Variants in MYO7B observed in about 807,000 individuals in gnomAD.
MYO7B encodes myosin VIIB.
In MYO7B, 212 loss-of-function variants were observed where a neutral mutation model predicts 259.7. The observed-to-expected ratio is 0.82, with a 90% CI of 0.73 to 0.91. MYO7B has a LOEUF of 0.91. Ranked by LOEUF, MYO7B falls within the 40% of genes least tolerant of loss-of-function variation. The pLI is 0.00. For missense variants in MYO7B, 2,732 were observed against 2,813.5 expected (o/e 0.97, Z 0.66); for synonymous variants, 1,197 against 1,166.4 (o/e 1.03, Z -0.54).
chr2:127,594,603 G>C (rs1261462446), intron 18 of MYO7B, among the ~76,000 whole-genome samples: 1 of 152,148 alleles, frequency 6.6e-6, no homozygotes, highest in Non-Finnish European at 1.5e-5. Context: ...GTGCACTGTG[G>C]GTTTGTCATA....
chr2:127,558,251 A>T (rs1183188647), intron 1 of MYO7B, among the ~76,000 whole-genome samples: 1 of 152,240 alleles, frequency 6.6e-6, no homozygotes, highest in Non-Finnish European at 1.5e-5. Context: ...AAAAATGCTC[A>T]ACATCACTAA....
At chr2:127,591,965 G>A (rs375045822) in intron 16 of MYO7B, among the ~76,000 whole-genome samples, 1 of 152,228 alleles carries the variant, frequency 6.6e-6, no homozygotes, top group South Asian at 2.1e-4. Flanking sequence ...GAGAGACTAA[G>A]TTGATTAGGA....
intron 40 of MYO7B, among the ~76,000 whole-genome samples, chr2:127,633,724 C>T (rs1032724161): frequency 1.3e-5 from 2 of 152,210 alleles, no homozygotes; most frequent in African/African-American, 4.8e-5. Flanking sequence ...ACAGAGCCTG[C>T]CATGGCTGCT....
chr2:127,621,265 GTT>G (rs1212192791), intron 27 of MYO7B, among the ~76,000 whole-genome samples: 179 of 120,686 alleles, frequency 1.5e-3, no homozygotes, highest in African/African-American at 5.3e-3. Flanking sequence ...TTTTTTTTTT[GTT>G]TTTTTTTTTT....
At position 127,559,040 on chromosome 2, in the gene MYO7B, G is replaced by A. The variant is rs541468068; in HGVS notation, c.-23-660G>A. Among the ~76,000 whole-genome samples, 2 of 152,318 alleles carry A rather than the reference G, an allele frequency of 1.3e-5. No individual in the cohort carries two copies. The highest frequency in any genetic ancestry group is 6.5e-5 in the Admixed American group (1 of 15,296). On this transcript the variant is annotated intron_variant, in intron 1 of 47. Coordinates refer to ENST00000409816, the MANE Select transcript of MYO7B (RefSeq NM_001393586.1). The surrounding 1 kb of genome is among the most constrained non-coding windows in gnomAD (Gnocchi z 4.1). ...CACCTTGCACTGCTCAGCGCAGGGAGGGGAAGCTGCCAACACTCAGTCAGG... is the reference window on the plus strand; with the variant it reads ...CACCTTGCACTGCTCAGCGCAGGGAAGGGAAGCTGCCAACACTCAGTCAGG...
intron 17 of MYO7B, 84 bp downstream of exon 17, chr2:127,593,030 G>A: frequency 1.3e-6 from 2 of 1,502,168 alleles, no homozygotes; most frequent in Non-Finnish European, 1.8e-6. Context: ...AGTACCGAGG[G>A]GGTCTCCCGC....
chr2:127,555,682 C>T (rs542659851), intron 1 of MYO7B, among the ~76,000 whole-genome samples: 1 of 152,268 alleles, frequency 6.6e-6, no homozygotes, highest in African/African-American at 2.4e-5. Context: ...CTAGTTATTT[C>T]ATTTCCATGT....
intron 9 of MYO7B, among the ~76,000 whole-genome samples, chr2:127,580,345 G>A (rs988312635): frequency 6.6e-6 from 1 of 152,170 alleles, no homozygotes; most frequent in East Asian, 1.9e-4. Flanking sequence ...TGCTTCCTGT[G>A]ACTGAATAAA....
rs1330236284 is a variant in MYO7B at position 127,537,514 on chromosome 2, C to T, written c.-24+1683C>T. Among the ~76,000 whole-genome samples the T allele has an allele frequency of 2.0e-5, 3 of 152,170 alleles. No homozygotes were observed. In the East Asian group the frequency reaches 5.8e-4, roughly 29 times the overall value. ...CAGGGAGGAAGAGCCAGAATCTTAG[C>T]ACATTTTTCACAGAAGAGATGAAGA... On this transcript the variant is annotated intron_variant, in intron 1 of 47. Transcript: ENST00000409816.
intron 1 of MYO7B, among the ~76,000 whole-genome samples, chr2:127,549,579 G>T (rs1693370516): frequency 6.6e-6 from 1 of 152,198 alleles, no homozygotes; most frequent in Non-Finnish European, 1.5e-5. Flanking sequence ...TTCAGCAATT[G>T]TTAGTTTCAT....
chr2:127,581,966 C>G lies in MYO7B; in HGVS notation c.1156C>G (p.Leu386Val). The part of the protein sequence containing the change: ...LIRGEFVTRS[L>V]NIAQAADRRD... The stretch of plus-strand genomic sequence containing the variant: ...CCGAGGGGAATTTGTCACCAGGTCC[C>G]TGAACATTGCCCAGGCTGCTGACCG... The change falls in exon 11 of 48, where the codon CTG (leucine) becomes GTG (valine). Residue 386 changes from leucine (L) to valine (V), a missense_variant. Physicochemically the swap from Leu to Val is conservative, Grantham distance 32 (BLOSUM62 1). Coordinates refer to ENST00000409816, the MANE Select transcript of MYO7B (RefSeq NM_001393586.1). 6.2e-7 allele frequency: 1 copy of G among 1,613,964 alleles called. No individual in the cohort carries two copies.
chr2:127,612,556 G>A lies in MYO7B; in HGVS notation c.3351G>A (p.Glu1117=). ...LGADRPMSNL[E]KVHFIVGYAI... ...CAGACCGGCCCATGTCCAACCTGGA[G>A]AAGGTGCACTTCATCGTGGGCTACG... is the stretch of plus-strand genomic sequence containing the variant. Residue 1117 remains glutamate, a synonymous_variant, in exon 26 of 48, where the codon GAG becomes GAA. Coordinates refer to ENST00000409816, the MANE Select transcript of MYO7B (RefSeq NM_001393586.1). 1 of 1,603,198 alleles carries A rather than the reference G, an allele frequency of 6.2e-7. No homozygotes were observed. The highest frequency in any genetic ancestry group is 1.1e-5 in the South Asian group (1 of 88,580).
Position 127,576,757 on chromosome 2 carries a change from AAG to A in MYO7B, c.849+52_849+53del, listed in dbSNP as rs1475755472. 7.4e-7 allele frequency: 1 copy of A among 1,353,470 alleles called. No individual in the cohort carries two copies. The highest frequency in any genetic ancestry group is 1.0e-6 in the Non-Finnish European group (1 of 958,514). 83.8% of individuals were successfully genotyped at this position (1,353,470 alleles called of 1,614,324 possible). A position where few individuals can be genotyped will look rare whatever the true frequency, so the allele number is the denominator to read the frequency against. On this transcript the variant is annotated intron_variant, in intron 8 of 47. Coordinates refer to ENST00000409816, the MANE Select transcript of MYO7B (RefSeq NM_001393586.1). The surrounding 1 kb of genome is among the most constrained non-coding windows in gnomAD (Gnocchi z 4.9). ...CCAGTAGCCAGTGGAAGGGAGGAAA[AAG>A]AGCTTGTGCCGCTCCACCCTCCGCG... is the stretch of plus-strand genomic sequence containing the variant.
chr2:127,623,394 G>T lies in MYO7B; in HGVS notation c.3819+19G>T, dbSNP rs1243590384. ...CGACAAGGTACCAGCCAGGCACCCT[G>T]CCCGTCAGCCGCCTCCCTCATACAC... On this transcript the variant is annotated intron_variant, in intron 29 of 47. Coordinates refer to ENST00000409816, the MANE Select transcript of MYO7B (RefSeq NM_001393586.1). The T allele has an allele frequency of 5.2e-6, 8 of 1,542,322 alleles. No homozygotes were observed. Among genetic ancestry groups the T allele is most frequent in the Non-Finnish European group, 7.0e-6 (8 of 1,146,312 alleles).
chr2:127,619,819 G>A (rs113381130), intron 26 of MYO7B, among the ~76,000 whole-genome samples: 5 of 152,112 alleles, frequency 3.3e-5, no homozygotes, highest in African/African-American at 9.6e-5. Flanking sequence ...GGAGAGAACC[G>A]CCCCCAACAC....
intron 26 of MYO7B, among the ~76,000 whole-genome samples, chr2:127,619,361 C>G (rs576651601): frequency 0.022 from 923 of 42,864 alleles, 21 homozygotes; most frequent in African/African-American, 0.086. Flanking sequence ...GGGTGGTGGG[C>G]GCCAGCTGAG....
intron 47 of MYO7B, 181 bp downstream of exon 47, chr2:127,637,094 G>A (rs1438164186): frequency 3.4e-6 from 4 of 1,163,810 alleles, no homozygotes; most frequent in East Asian, 2.6e-5. Context: ...AAGGTGGCAA[G>A]GCCAGGCGGG....
intron 4 of MYO7B, among the ~76,000 whole-genome samples, chr2:127,566,019 TC>T (rs1678324946): frequency 3.3e-5 from 5 of 152,248 alleles, no homozygotes; most frequent in Admixed American, 2.6e-4. Context: ...TCTGGGCTGC[TC>T]AGAGGAAAGC....
Position 127,539,170 on chromosome 2 carries a change from T to C in MYO7B, c.-24+3339T>C, listed in dbSNP as rs1692908805. Among the ~76,000 whole-genome samples, 1 of 152,174 alleles carries C rather than the reference T, an allele frequency of 6.6e-6. No homozygotes were observed. Among genetic ancestry groups the C allele is most frequent in the Non-Finnish European group, 1.5e-5 (1 of 68,032 alleles). On this transcript the variant is annotated intron_variant, in intron 1 of 47. Transcript: ENST00000409816. This position sits in a 1 kb window ranked among gnomAD's most constrained non-coding sequence, Gnocchi z 4.0. ...TCCCTTGCCTGCCTTATTCAAATAC[T>C]AAACAAAACAGAGTGATATGAGGCA... is the stretch of plus-strand genomic sequence containing the variant.
Sources: gnomAD v4.1 joint callset for allele counts (sites outside exome capture counted in the v4.1 genomes callset) on GRCh38, gnomAD v4.1.1 for gene constraint, Gnocchi (gnomAD v3.1) non-coding constraint, MANE v1.5 for transcripts, NCBI Gene and HGNC (gene_info 2026-07-23, HGNC 2026-07-21) for gene names.